The following NCOA2 variants were observed in gnomAD, a reference collection of about 807,000 sequenced individuals.
NCOA2 encodes class E basic helix-loop-helix protein 75.
A neutral mutation model predicts 145.1 loss-of-function variants in NCOA2; 21 were observed. The ratio of observed to expected loss-of-function variants is 0.14; its 90% CI spans 0.10 to 0.21. NCOA2 has a LOEUF of 0.21. NCOA2 is among the 10% of genes least tolerant of loss of function. The pLI, the probability that NCOA2 is intolerant of heterozygous loss-of-function variation, is 1.00. For missense variants in NCOA2, 1,472 were observed against 1,837.6 expected (o/e 0.80, Z 3.64); for synonymous variants, 619 against 637.5 (o/e 0.97, Z 0.44).
intron 11 of NCOA2, among the ~76,000 whole-genome samples, chr8:70,152,878 T>A (rs927251021): frequency 6.6e-6 from 1 of 152,242 alleles, no homozygotes; most frequent in Non-Finnish European, 1.5e-5. Flanking sequence ...CAATTCAGAC[T>A]CATTAATAGT....
chr8:70,145,886 C>T (rs2131947583), intron 12 of NCOA2, among the ~76,000 whole-genome samples: 1 of 152,256 alleles, frequency 6.6e-6, no homozygotes, highest in Admixed American at 6.5e-5. Context: ...CTGCCTTGGC[C>T]CCCCAAAGTG....
intron 4 of NCOA2, among the ~76,000 whole-genome samples, chr8:70,179,362 G>T (rs1213864413): frequency 6.6e-6 from 1 of 152,162 alleles, no homozygotes; most frequent in East Asian, 1.9e-4. Context: ...TACTTTTCAT[G>T]AAGTAATTAC....
At chr8:70,347,535 G>C (rs973670392) in intron 1 of NCOA2, among the ~76,000 whole-genome samples, 3 of 151,762 alleles carry the variant, frequency 2.0e-5, no homozygotes, top group Admixed American at 6.6e-5. Flanking sequence ...ATATGTCTGC[G>C]GTCCCAGCTA....
At chr8:70,377,951 A>G (rs1172949455) in intron 1 of NCOA2, among the ~76,000 whole-genome samples, 1 of 152,190 alleles carries the variant, frequency 6.6e-6, no homozygotes, top group Non-Finnish European at 1.5e-5. Flanking sequence ...TCTGATTTCC[A>G]TAGACTGATA....
chr8:70,146,843 C>T, intron 12 of NCOA2, among the ~76,000 whole-genome samples: 1 of 151,658 alleles, frequency 6.6e-6, no homozygotes, highest in East Asian at 1.9e-4. Flanking sequence ...TTACAGGCGC[C>T]CACCATCATG....
At chr8:70,300,617 G>T (rs578170612) in intron 1 of NCOA2, among the ~76,000 whole-genome samples, 1 of 152,306 alleles carries the variant, frequency 6.6e-6, no homozygotes, top group African/African-American at 2.4e-5. Context: ...CAGGGCGTGA[G>T]AGAGAACTGA....
intron 1 of NCOA2, among the ~76,000 whole-genome samples, chr8:70,344,413 CCTCT>C (rs1041865632): frequency 2.6e-5 from 4 of 152,220 alleles, no homozygotes; most frequent in African/African-American, 9.6e-5. Flanking sequence ...CAGCCTTCTG[CCTCT>C]CTTTCAATTC....
intron 4 of NCOA2, among the ~76,000 whole-genome samples, chr8:70,208,249 G>A (rs1025255531): frequency 2.6e-5 from 4 of 151,266 alleles, no homozygotes; most frequent in Non-Finnish European, 5.9e-5. Context: ...ATGAGAAGAT[G>A]CAGAAGAAAA....
chr8:70,243,655 A>G (rs1475465597), intron 2 of NCOA2, among the ~76,000 whole-genome samples: 1 of 152,032 alleles, frequency 6.6e-6, no homozygotes, highest in African/African-American at 2.4e-5. Flanking sequence ...TTTATTATTC[A>G]AAATATTTAA....
At chr8:70,271,241 T>A (rs1403666329) in intron 2 of NCOA2, among the ~76,000 whole-genome samples, 1 of 152,232 alleles carries the variant, frequency 6.6e-6, no homozygotes, top group Non-Finnish European at 1.5e-5. Flanking sequence ...ATGACAGATT[T>A]GCTATGTCTT....
At chr8:70,257,506 A>G (rs113333826) in intron 2 of NCOA2, among the ~76,000 whole-genome samples, 1,898 of 152,334 alleles carry the variant, frequency 0.012, 14 homozygotes, top group Non-Finnish European at 0.021. Flanking sequence ...AGATGATGAT[A>G]AGCACTAAGG....
At chr8:70,195,367 A>C (rs1817181022) in intron 4 of NCOA2, among the ~76,000 whole-genome samples, 1 of 152,182 alleles carries the variant, frequency 6.6e-6, no homozygotes, top group Non-Finnish European at 1.5e-5. Context: ...ACAAGATTCA[A>C]ATTTCTTCTT....
At chr8:70,300,246 C>A (rs1827387434) in intron 1 of NCOA2, among the ~76,000 whole-genome samples, 1 of 152,084 alleles carries the variant, frequency 6.6e-6, no homozygotes, top group African/African-American at 2.4e-5. Flanking sequence ...TATATGACTG[C>A]AAAAATGTAC....
At chr8:70,144,968 A>T in intron 12 of NCOA2, 120 bp from the exon 13 acceptor site, 1 of 829,260 alleles carries the variant, frequency 1.2e-6, no homozygotes, top group South Asian at 1.7e-5. Flanking sequence ...GGGACCAACT[A>T]CCTAGATAAA....
intron 2 of NCOA2, among the ~76,000 whole-genome samples, chr8:70,264,767 T>C (rs1334674366): frequency 1.3e-5 from 2 of 152,098 alleles, no homozygotes; most frequent in Non-Finnish European, 2.9e-5. Flanking sequence ...TGATAAATTG[T>C]ATATGTTCAC....
chr8:70,308,599 T>C (rs1234742418), intron 1 of NCOA2, among the ~76,000 whole-genome samples: 1 of 152,154 alleles, frequency 6.6e-6, no homozygotes, highest in Non-Finnish European at 1.5e-5. Context: ...ATGGGGGAAA[T>C]TCATTTGTAG....
intron 11 of NCOA2, among the ~76,000 whole-genome samples, chr8:70,155,734 T>C (rs143425130): frequency 6.6e-6 from 1 of 152,340 alleles, no homozygotes; most frequent in African/African-American, 2.4e-5. Flanking sequence ...CTGCAAAGCC[T>C]AAAATACTTA....
intron 1 of NCOA2, among the ~76,000 whole-genome samples, chr8:70,389,792 C>A (rs1458667869): frequency 1.3e-5 from 2 of 152,014 alleles, no homozygotes; most frequent in Non-Finnish European, 2.9e-5. Context: ...CCTCAGCCTC[C>A]CGAGTAGCTG....
At chr8:70,189,667 A>G (rs951279511) in intron 4 of NCOA2, among the ~76,000 whole-genome samples, 1 of 152,216 alleles carries the variant, frequency 6.6e-6, no homozygotes, top group Non-Finnish European at 1.5e-5. Flanking sequence ...TTAAAAATAC[A>G]TGATATTAGA....
Sources: allele counts gnomAD v4.1 joint callset (sites outside exome capture counted in the v4.1 genomes callset), GRCh38; gene constraint gnomAD v4.1.1; transcripts MANE v1.5; gene names NCBI Gene and HGNC (gene_info 2026-07-23, HGNC 2026-07-21).